The following THEM4 variants were observed in gnomAD, a reference collection of about 807,000 sequenced individuals.
THEM4 encodes the protein thioesterase superfamily member 4.
A neutral mutation model predicts 25.0 loss-of-function variants in THEM4; 22 were observed. The ratio of observed to expected loss-of-function variants is 0.88; its 90% CI spans 0.63 to 1.26. THEM4 has a LOEUF of 1.26. Ranked by LOEUF, THEM4 falls within the 50% of genes most tolerant of loss-of-function variation. The pLI is 0.00. For synonymous variants in THEM4, 113 were observed against 105.6 expected, an observed-to-expected ratio of 1.07 and a Z score of -0.43; for missense variants, 286 against 300.3, an observed-to-expected ratio of 0.95 and a Z score of 0.35.
At chr1:151,899,458 T>G (rs1572082069) in intron 1 of THEM4, among the ~76,000 whole-genome samples, 1 of 140,714 alleles carries the variant, frequency 7.1e-6, no homozygotes, top group Non-Finnish European at 1.5e-5. Flanking sequence ...GCCACTGCAC[T>G]CCAGCCTGGG....
rs552581332 is a variant in THEM4 at position 151,873,354 on chromosome 1, G to A, written c.*1534C>T. On this transcript the variant is annotated 3_prime_UTR_variant, in exon 6 of 6. Coordinates refer to ENST00000368814, the MANE Select transcript of THEM4 (RefSeq NM_053055.5). ...AGAGAGCTGAGACTGGGGCCGGTGC[G>A]GGTCCTCTGTATGCTGAGCACCGGT... is the stretch of plus-strand genomic sequence containing the variant. Among the ~76,000 whole-genome samples, 48 of 152,200 alleles carry A rather than the reference G, an allele frequency of 3.2e-4. No homozygotes were observed. The highest frequency in any genetic ancestry group is 1.2e-3 in the African/African-American group (48 of 41,552).
At chr1:151,890,177 T>C (rs1169333907) in intron 2 of THEM4, 2 of 457,226 alleles carry the variant, frequency 4.4e-6, no homozygotes. Context: ...AGTGCTGGGA[T>C]TATAGGCGTG....
At chr1:151,905,993 C>T (rs1248338252) in intron 1 of THEM4, among the ~76,000 whole-genome samples, 1 of 152,254 alleles carries the variant, frequency 6.6e-6, no homozygotes, top group Non-Finnish European at 1.5e-5. Flanking sequence ...ACAGCCCTCG[C>T]TCCCTCTCGG....
chr1:151,887,431 A>AAAT (rs764091796), intron 4 of THEM4, among the ~76,000 whole-genome samples: 1 of 146,592 alleles, frequency 6.8e-6, no homozygotes, highest in African/African-American at 2.5e-5. Flanking sequence ...CTTTGTCTCA[A>AAAT]AATAATAATA....
At chr1:151,901,831 G>A (rs532020785) in intron 1 of THEM4, among the ~76,000 whole-genome samples, 64 of 151,968 alleles carry the variant, frequency 4.2e-4, no homozygotes, top group Non-Finnish European at 5.7e-4. Context: ...CAACAAGAGC[G>A]AAACTCTGTC....
chr1:151,877,268 T>C (rs1427631177), intron 4 of THEM4, 143 bp from the exon 5 acceptor site: 2 of 808,472 alleles, frequency 2.5e-6, no homozygotes, highest in Non-Finnish European at 3.6e-6. Context: ...AATACATTCC[T>C]CAAGGACTCT....
At chr1:151,884,669 T>C (rs2101720203) in intron 4 of THEM4, among the ~76,000 whole-genome samples, 1 of 142,610 alleles carries the variant, frequency 7.0e-6, no homozygotes, top group Non-Finnish European at 1.5e-5. Context: ...ACAATTACAC[T>C]TTCATTTCCT....
At chr1:151,902,545 G>A (rs1017825793) in intron 1 of THEM4, among the ~76,000 whole-genome samples, 1 of 152,202 alleles carries the variant, frequency 6.6e-6, no homozygotes, top group African/African-American at 2.4e-5. Flanking sequence ...ATATGGTGCA[G>A]TGTATAATGC....
chr1:151,878,172 C>T (rs1400755178), intron 4 of THEM4, among the ~76,000 whole-genome samples: 1 of 152,192 alleles, frequency 6.6e-6, no homozygotes, highest in Non-Finnish European at 1.5e-5. Context: ...CCTACCCTCC[C>T]TTCATTCTCT....
chr1:151,896,468 T>A (rs115123261), intron 1 of THEM4, among the ~76,000 whole-genome samples: 1,567 of 152,310 alleles, frequency 0.01, 36 homozygotes, highest in African/African-American at 0.036. Flanking sequence ...AAAAGAGGCA[T>A]GAAACAGTTT....
rs1190522937 is a variant in THEM4 at position 151,909,441 on chromosome 1, G to A, written c.18C>T (p.Ala6=). The A allele has an allele frequency of 3.4e-6, 5 of 1,452,382 alleles. No homozygotes were observed. In the Admixed American group the frequency reaches 7.9e-5, roughly 23 times the overall value. The allele number at this position is 1,452,382 out of a possible 1,614,324, so 90.0% of individuals were successfully genotyped here. A position where few individuals can be genotyped will look rare whatever the true frequency, so the allele number is the denominator to read the frequency against. Residue 6 remains alanine (A), a synonymous_variant, in exon 1 of 6, where the codon GCC becomes GCT. Coordinates refer to ENST00000368814, the MANE Select transcript of THEM4 (RefSeq NM_053055.5). MLRSC[A]ARLRTLGALC... is the part of the protein sequence containing the mutation. ...GAGCCCCCAGCGTGCGGAGGCGCGC[G>A]GCGCAGCTCCTCAGCATGGCTCCGG...
intron 2 of THEM4, among the ~76,000 whole-genome samples, chr1:151,893,408 C>CA (rs200898087): frequency 0.015 from 1,346 of 92,172 alleles, 29 homozygotes; most frequent in African/African-American, 0.054. Flanking sequence ...AACAACAAAA[C>CA]AAAAAAACCC....
chr1:151,905,850 G>A (rs1020821370), intron 1 of THEM4, among the ~76,000 whole-genome samples: 6 of 152,202 alleles, frequency 3.9e-5, no homozygotes, highest in Non-Finnish European at 5.9e-5. Flanking sequence ...CCTAGGCTGC[G>A]GCCGTCTGGG....
In THEM4 at chr1:151,901,716, G is replaced by A. The variant is rs148453548; in HGVS notation, c.100-6522C>T. Reference sequence around the variant, plus strand: ...AAATCAGCCAGGAGTGGTGGCATGCGCCTGTAATCCCAGCTACTCAGGAGA... The same window carrying A: ...AAATCAGCCAGGAGTGGTGGCATGCACCTGTAATCCCAGCTACTCAGGAGA... On this transcript the variant is annotated intron_variant, in intron 1 of 5. Transcript: ENST00000368814. Among the ~76,000 whole-genome samples, 457 of 152,190 alleles carry A rather than the reference G, an allele frequency of 3.0e-3. 1 individual carries two copies. The highest frequency in any genetic ancestry group is 0.01 in the African/African-American group (425 of 41,534).
intron 4 of THEM4, among the ~76,000 whole-genome samples, chr1:151,886,450 A>G (rs6685291): frequency 0.89 from 134,787 of 152,210 alleles, 59,844 homozygotes; most frequent in East Asian, 0.92. Flanking sequence ...GAACGATGTT[A>G]TACTTCATTA....
chr1:151,885,867 G>C (rs978688230), intron 4 of THEM4, among the ~76,000 whole-genome samples: 1 of 152,134 alleles, frequency 6.6e-6, no homozygotes, highest in African/African-American at 2.4e-5. Context: ...GTAGATTAAG[G>C]CATCTGATGA....
At chr1:151,900,310 G>A (rs1175582343) in intron 1 of THEM4, among the ~76,000 whole-genome samples, 2 of 152,014 alleles carry the variant, frequency 1.3e-5, no homozygotes, top group Admixed American at 1.3e-4. Context: ...AGAGTACAAT[G>A]AACACAATGG....
At chr1:151,888,221 G>T in intron 4 of THEM4, 52 bp downstream of exon 4, 1 of 1,441,082 alleles carries the variant, frequency 6.9e-7, no homozygotes, top group Non-Finnish European at 9.6e-7. Flanking sequence ...CTGCAACTGG[G>T]AACCTGACTT....
intron 1 of THEM4, among the ~76,000 whole-genome samples, chr1:151,906,729 G>A (rs902656440): frequency 2.0e-5 from 3 of 152,228 alleles, no homozygotes; most frequent in African/African-American, 7.2e-5. Flanking sequence ...CTCAGGGGTT[G>A]TGAATGCACC....
Sources: gnomAD v4.1 joint callset for allele counts (sites outside exome capture counted in the v4.1 genomes callset) on GRCh38, gnomAD v4.1.1 for gene constraint, MANE v1.5 for transcripts, NCBI Gene and HGNC (gene_info 2026-07-23, HGNC 2026-07-21) for gene names.